CENPW: variants seen among roughly 807,000 people sequenced by gnomAD.
The protein encoded by CENPW is centromere protein W, also known as cancer-up-regulated gene 2 protein.
Under a neutral mutation model 11.1 loss-of-function variants are expected in CENPW, and 3 were observed. The observed-to-expected ratio is 0.27, with a 90% CI of 0.12 to 0.70. The LOEUF (loss-of-function observed/expected upper bound fraction) is 0.70, where lower values mean the gene tolerates loss of function less well. Ranked by LOEUF, CENPW falls within the 30% of genes least tolerant of loss-of-function variation. The probability of loss-of-function intolerance (pLI) is 0.77; values close to 1 mark genes in which losing one functional copy is unlikely to be tolerated. For synonymous variants in CENPW, 38 were observed against 42.0 expected, an observed-to-expected ratio of 0.91 and a Z score of 0.37; for missense variants, 100 against 105.6, an observed-to-expected ratio of 0.95 and a Z score of 0.23.
the CENPW span, among the ~76,000 whole-genome samples, chr6:126,361,195 T>C: frequency 2.0e-5 from 3 of 152,218 alleles, no homozygotes; most frequent in African/African-American, 4.8e-5. Context: ...AATTTTGGTG[T>C]TATAGTTTCA....
the CENPW span, among the ~76,000 whole-genome samples, chr6:126,358,449 C>T: frequency 0.013 from 2,042 of 152,184 alleles, 51 homozygotes; most frequent in African/African-American, 0.046. Flanking sequence ...GCTTTTTCTG[C>T]GTTCCACTGA....
chr6:126,374,770 A>G, the CENPW span, among the ~76,000 whole-genome samples: 1 of 152,212 alleles, frequency 6.6e-6, no homozygotes, highest in East Asian at 1.9e-4. Context: ...ATAATAAATA[A>G]TTCCATTCAT....
the CENPW span, among the ~76,000 whole-genome samples, chr6:126,475,762 G>T: frequency 6.6e-6 from 1 of 151,902 alleles, no homozygotes; most frequent in Non-Finnish European, 1.5e-5. Flanking sequence ...TAGGGTCTTT[G>T]AAAACACTGA....
the CENPW span, among the ~76,000 whole-genome samples, chr6:126,433,012 C>T: frequency 7.0e-4 from 107 of 152,188 alleles, no homozygotes; most frequent in Non-Finnish European, 1.2e-3. Flanking sequence ...TGCTAGTTGT[C>T]CCAGATTTCT....
the CENPW span, among the ~76,000 whole-genome samples, chr6:126,384,480 A>C: frequency 6.6e-6 from 1 of 152,140 alleles, no homozygotes; most frequent in Non-Finnish European, 1.5e-5. Flanking sequence ...CTGCACACCT[A>C]CAACCATCTG....
At chr6:126,384,340 A>G in the CENPW span, among the ~76,000 whole-genome samples, 8 of 152,142 alleles carry the variant, frequency 5.3e-5, no homozygotes, top group Non-Finnish European at 1.0e-4. Flanking sequence ...AAGCAAAGAT[A>G]GCAAAGCAGG....
the CENPW span, among the ~76,000 whole-genome samples, chr6:126,429,726 G>C: frequency 4.1e-4 from 63 of 152,228 alleles, no homozygotes; most frequent in Non-Finnish European, 8.8e-5. Flanking sequence ...TTGCTATCCA[G>C]TTAGGCTGAG....
the CENPW span, among the ~76,000 whole-genome samples, chr6:126,429,887 C>G: frequency 2.0e-5 from 3 of 152,164 alleles, no homozygotes; most frequent in Non-Finnish European, 2.9e-5. Context: ...AAAGTTATTT[C>G]CTCTCTTACA....
the CENPW span, among the ~76,000 whole-genome samples, chr6:126,455,851 G>T: frequency 6.6e-6 from 1 of 151,062 alleles, no homozygotes; most frequent in African/African-American, 2.4e-5. Context: ...TCCTAGATCT[G>T]ATTAAAAAAA....
chr6:126,420,183 C>T, the CENPW span, among the ~76,000 whole-genome samples: 3 of 152,070 alleles, frequency 2.0e-5, no homozygotes, highest in Admixed American at 2.0e-4. Context: ...TAGTACAGCA[C>T]TCCAGGCAGA....
chr6:126,367,934 G>A, the CENPW span, among the ~76,000 whole-genome samples: 2 of 152,300 alleles, frequency 1.3e-5, no homozygotes, highest in East Asian at 3.9e-4. Flanking sequence ...GATGAATTAC[G>A]ATTTTGATTT....
the CENPW span, among the ~76,000 whole-genome samples, chr6:126,471,919 G>T: frequency 2.0e-5 from 3 of 152,144 alleles, no homozygotes; most frequent in Admixed American, 6.6e-5. Flanking sequence ...TTTTGCACAT[G>T]AATCTAATGT....
the CENPW span, among the ~76,000 whole-genome samples, chr6:126,453,592 C>T: frequency 2.0e-5 from 3 of 151,204 alleles, no homozygotes; most frequent in Middle Eastern, 3.4e-3. Context: ...CTACTGGTCA[C>T]CACAAAAACA....
At chr6:126,381,632 G>C in the CENPW span, among the ~76,000 whole-genome samples, 1 of 152,120 alleles carries the variant, frequency 6.6e-6, no homozygotes, top group African/African-American at 2.4e-5. Context: ...CTAGCACCCT[G>C]CCGCCAGCCA....
chr6:126,362,445 C>T, the CENPW span, among the ~76,000 whole-genome samples: 1 of 152,132 alleles, frequency 6.6e-6, no homozygotes, highest in African/African-American at 2.4e-5. Context: ...GTTTGGTGCA[C>T]CCAATTCAGT....
At chr6:126,418,965 A>G in the CENPW span, among the ~76,000 whole-genome samples, 5 of 151,486 alleles carry the variant, frequency 3.3e-5, no homozygotes, top group Admixed American at 3.3e-4. Flanking sequence ...TAGCATTAGG[A>G]GATATACTTA....
the CENPW span, among the ~76,000 whole-genome samples, chr6:126,397,537 T>A: frequency 3.3e-5 from 5 of 152,182 alleles, no homozygotes; most frequent in Non-Finnish European, 7.4e-5. Context: ...TGATTGCTCA[T>A]CTCGTTTTTG....
In CENPW at chr6:126,348,542, A is replaced by T. The variant is rs1357603645; in HGVS notation, c.*50A>T. ...GTTATGATGCATTCTTTTGGGTGGT[A>T]ACAGATCATAAAGACATTTTTTACA... On this transcript the variant is annotated 3_prime_UTR_variant, in exon 3 of 3. Transcript: ENST00000368328. The T allele has an allele frequency of 1.1e-5, 12 of 1,116,718 alleles. No individual in the cohort carries two copies. The Admixed American group carries it at 2.2e-4, about 20-fold the overall frequency. The allele number at this position is 1,116,718 out of a possible 1,614,324, so 69.2% of individuals were successfully genotyped here. A position where few individuals can be genotyped will look rare whatever the true frequency, so the allele number is the denominator to read the frequency against.
downstream of CENPW, among the ~76,000 whole-genome samples, chr6:126,351,495 C>T (rs912064172): frequency 8.5e-5 from 13 of 152,096 alleles, no homozygotes; most frequent in Middle Eastern, 3.4e-3. Flanking sequence ...ACTTCCCTAC[C>T]TGACTTAGAA....
Sources: gnomAD v4.1 joint callset for allele counts (sites outside exome capture counted in the v4.1 genomes callset) on GRCh38, gnomAD v4.1.1 for gene constraint, MANE v1.5 for transcripts, NCBI Gene and HGNC (gene_info 2026-07-23, HGNC 2026-07-21) for gene names.